ROBO2: variants seen among roughly 807,000 people sequenced by gnomAD.
ROBO2 encodes roundabout homolog 2.
Under a neutral mutation model 160.8 loss-of-function variants are expected in ROBO2, and 53 were observed. That is an observed-to-expected ratio of 0.33 (90% CI 0.26 to 0.41). The LOEUF (loss-of-function observed/expected upper bound fraction) is 0.41. Among genes scored for constraint, ROBO2 ranks in the 10% least tolerant of loss-of-function variants. The pLI, the probability that ROBO2 is intolerant of heterozygous loss-of-function variation, is 1.00. For synonymous variants in ROBO2, 664 were observed against 611.7 expected (o/e 1.09, Z -1.26); for missense variants, 1,577 against 1,722.4 (o/e 0.92, Z 1.49).
intron 2 of ROBO2, among the ~76,000 whole-genome samples, chr3:76,101,301 A>T (rs2069672937): frequency 6.6e-6 from 1 of 152,196 alleles, no homozygotes; most frequent in Admixed American, 6.5e-5. Context: ...CTAGGTTTCC[A>T]TCTTGCAACA....
chr3:77,621,949 A>T (rs1038437709), intron 22 of ROBO2, among the ~76,000 whole-genome samples: 2 of 152,130 alleles, frequency 1.3e-5, no homozygotes, highest in African/African-American at 4.8e-5. Context: ...TCCCCTCTAG[A>T]TAACTTCTTT....
Position 77,493,403 on chromosome 3 carries a change from G to T in ROBO2, c.806+21G>T, listed in dbSNP as rs761866739. ...GGAAGGTAAGACCAACATATGGATG[G>T]AAGATTGTTAGATAACCAATGAATA... On this transcript the variant is annotated intron_variant, in intron 5 of 25. Transcript: ENST00000461745. 1.9e-6 allele frequency: 3 copies of T among 1,612,926 alleles called. No individual in the cohort carries two copies. The East Asian group carries it at 6.7e-5, about 36-fold the overall frequency.
At chr3:76,007,866 C>T (rs2066069787) in intron 2 of ROBO2, among the ~76,000 whole-genome samples, 1 of 152,068 alleles carries the variant, frequency 6.6e-6, no homozygotes, top group South Asian at 2.1e-4. Context: ...TATAAGAATT[C>T]TTCAAAAATC....
At chr3:75,975,020 A>G (rs941936545) in intron 2 of ROBO2, among the ~76,000 whole-genome samples, 1 of 150,694 alleles carries the variant, frequency 6.6e-6, no homozygotes, top group African/African-American at 2.4e-5. Context: ...GAACTATAAT[A>G]ATCTTTTTCA....
Position 77,040,760 on chromosome 3 carries a change from A to G in ROBO2, c.-26A>G, listed in dbSNP as rs774941745. The G allele has an allele frequency of 1.9e-6, 3 of 1,613,874 alleles. No individual in the cohort carries two copies. The African/African-American group carries it at 4.0e-5, about 22-fold the overall frequency. On this transcript the variant is annotated 5_prime_UTR_variant, in exon 1 of 26. Coordinates refer to ENST00000461745, the Ensembl canonical transcript of ROBO2. ...CTCTCTGGGATTGGTTTCTTAAAGAATCTGGATCCTTTTTAATATGTCAAA... is the reference window on the plus strand; with the variant it reads ...CTCTCTGGGATTGGTTTCTTAAAGAGTCTGGATCCTTTTTAATATGTCAAA...
intron 2 of ROBO2, among the ~76,000 whole-genome samples, chr3:76,346,249 A>ATTTT (rs74266989): frequency 1.4e-5 from 2 of 143,440 alleles, no homozygotes; most frequent in African/African-American, 5.1e-5. Flanking sequence ...CATTAAGAGA[A>ATTTT]TTTTTTTTTT....
At position 76,236,026 on chromosome 3, in the gene ROBO2, T is replaced by C. The variant is rs145313857; in HGVS notation, c.109+298424T>C. The stretch of plus-strand genomic sequence containing the variant: ...ATAAACTTTAAGGAAATGAACCTCA[T>C]ATAGTTAATTTTCTGCCTTATTTGG... On this transcript the variant is annotated intron_variant, in intron 2 of 26. Transcript: ENST00000487694. 3.4e-3 allele frequency among the ~76,000 whole-genome samples: 515 copies of C among 152,302 alleles called. 4 individuals carry two copies. The highest frequency in any genetic ancestry group is 0.012 in the African/African-American group (493 of 41,578).
intron 5 of ROBO2, among the ~76,000 whole-genome samples, chr3:77,499,946 C>A (rs2087340825): frequency 6.6e-6 from 1 of 152,094 alleles, no homozygotes; most frequent in Non-Finnish European, 1.5e-5. Flanking sequence ...CGTGTCTGGC[C>A]TGCTTTTAAA....
chr3:77,130,276 C>T (rs1240989900), intron 2 of ROBO2, among the ~76,000 whole-genome samples: 2 of 152,164 alleles, frequency 1.3e-5, no homozygotes, highest in African/African-American at 2.4e-5. Context: ...ACTGTACGTT[C>T]GTTAGCAGTT....
intron 2 of ROBO2, among the ~76,000 whole-genome samples, chr3:76,841,852 CAGA>C (rs894511239): frequency 9.2e-5 from 14 of 152,134 alleles, no homozygotes; most frequent in African/African-American, 2.4e-4. Context: ...CTAGCTGAAG[CAGA>C]AGTTGTCTAT....
At chr3:76,798,171 G>GAAA (rs1355234093) in intron 2 of ROBO2, among the ~76,000 whole-genome samples, 29 of 66,256 alleles carry the variant, frequency 4.4e-4, no homozygotes, top group African/African-American at 1.5e-3. Flanking sequence ...AGAAAGAAAG[G>GAAA]GAGAGAAAGA....
At chr3:77,049,748 A>C (rs1235689826) in intron 1 of ROBO2, among the ~76,000 whole-genome samples, 1 of 152,184 alleles carries the variant, frequency 6.6e-6, no homozygotes, top group Admixed American at 6.5e-5. Context: ...TTTGGTTCCA[A>C]GCTTTTTGGA....
intron 2 of ROBO2, among the ~76,000 whole-genome samples, chr3:76,731,346 G>T (rs1185914006): frequency 6.6e-6 from 1 of 152,168 alleles, no homozygotes; most frequent in African/African-American, 2.4e-5. Flanking sequence ...GGGTACCACA[G>T]AACTTCTCAT....
intron 1 of ROBO2, among the ~76,000 whole-genome samples, chr3:77,041,543 C>T (rs1341022332): frequency 6.6e-6 from 1 of 152,114 alleles, no homozygotes; most frequent in African/African-American, 2.4e-5. Flanking sequence ...TCTGTCAAGC[C>T]CACAGCATTC....
chr3:77,097,560 C>A (rs1383953989), intron 1 of ROBO2, among the ~76,000 whole-genome samples: 1 of 152,102 alleles, frequency 6.6e-6, no homozygotes, highest in East Asian at 1.9e-4. Flanking sequence ...AATATTTGTA[C>A]ATAATTTACA....
chr3:77,117,981 A>G (rs2074374133), intron 2 of ROBO2, among the ~76,000 whole-genome samples: 1 of 152,216 alleles, frequency 6.6e-6, no homozygotes, highest in African/African-American at 2.4e-5. Flanking sequence ...GAGCTCTTTG[A>G]CATTGCAGTT....
intron 2 of ROBO2, among the ~76,000 whole-genome samples, chr3:75,995,910 G>A (rs1228640879): frequency 6.6e-6 from 1 of 152,156 alleles, no homozygotes. Flanking sequence ...GCATGGGCCT[G>A]TATCCCTTTT....
chr3:76,650,070 A>G (rs1172113164), intron 2 of ROBO2, among the ~76,000 whole-genome samples: 10 of 152,164 alleles, frequency 6.6e-5, no homozygotes, highest in Non-Finnish European at 1.3e-4. Context: ...CTTCTCACCC[A>G]TTCATCCCTT....
intron 2 of ROBO2, among the ~76,000 whole-genome samples, chr3:76,306,465 T>A (rs192850115): frequency 4.1e-4 from 62 of 152,112 alleles, no homozygotes; most frequent in African/African-American, 1.3e-3. Context: ...AATAGTAAAA[T>A]TCAGGGGGTA....
Sources: allele counts gnomAD v4.1 joint callset (sites outside exome capture counted in the v4.1 genomes callset), GRCh38; gene constraint gnomAD v4.1.1; transcripts MANE v1.5; gene names NCBI Gene and HGNC (gene_info 2026-07-23, HGNC 2026-07-21).